The following TENT2 variants were observed in gnomAD, a reference collection of about 807,000 sequenced individuals.
TENT2 encodes the protein poly(A) RNA polymerase GLD2.
TENT2 carries 44 observed loss-of-function variants against 72.2 expected under a neutral mutation model. The observed-to-expected ratio is 0.61, with a 90% CI of 0.48 to 0.78. The LOEUF is 0.78. TENT2 is among the 30% of genes least tolerant of loss of function. The pLI, the probability that TENT2 is intolerant of heterozygous loss-of-function variation, is 0.00. For missense variants in TENT2, 541 were observed against 569.6 expected, an observed-to-expected ratio of 0.95 and a Z score of 0.51; for synonymous variants, 212 against 192.5, an observed-to-expected ratio of 1.10 and a Z score of -0.84.
At chr5:79,672,519 A>G (rs1813727472) in intron 12 of TENT2, among the ~76,000 whole-genome samples, 2 of 152,034 alleles carry the variant, frequency 1.3e-5, no homozygotes. Context: ...CATGAGTTCA[A>G]TTGTTTTAAT....
At position 79,648,643 on chromosome 5, in the gene TENT2, A is replaced by G. The variant is rs1791090387; in HGVS notation, c.848A>G (p.Asn283Ser). The stretch of plus-strand genomic sequence containing the variant: ...TGTGTGGAGTTTGACTTGAATGTAA[A>G]CAATATTGTTGGAATAAGAAACACA... ...VSCVEFDLNV[N>S]NIVGIRNTFL... The change falls in exon 9 of 15, where the codon AAC becomes AGC. Residue 283 changes from asparagine (N) to serine (S), a missense_variant. Asn to Ser is a conservative substitution (Grantham distance 46, BLOSUM62 1). Transcript: ENST00000453514. 5 of 1,593,120 alleles carry G rather than the reference A, an allele frequency of 3.1e-6. No individual in the cohort carries two copies. Among genetic ancestry groups the G allele is most frequent in the Non-Finnish European group, 4.3e-6 (5 of 1,168,420 alleles).
intron 7 of TENT2, among the ~76,000 whole-genome samples, chr5:79,643,927 T>C (rs1786512172): frequency 2.0e-5 from 3 of 151,968 alleles, no homozygotes; most frequent in Admixed American, 1.3e-4. Flanking sequence ...AACTTTTAAC[T>C]CCTAATTTTA....
rs1319417685 is a variant in TENT2, at chr5:79,612,452, C to CGT, written c.-660_-659dup. Reference sequence around the variant, plus strand: ...CGCTGCCTATTCTCATCCGGGGTCACGTCGGTCTTCCGGGTGTCTTTGACA... The same window carrying CGT: ...CGCTGCCTATTCTCATCCGGGGTCACGTGTCGGTCTTCCGGGTGTCTTTGACA... On this transcript the variant is annotated 5_prime_UTR_variant, in exon 1 of 15. Coordinates refer to ENST00000453514, the MANE Select transcript of TENT2 (RefSeq NM_001114394.3). 1.3e-5 allele frequency: 2 copies of CGT among 151,390 alleles called. No individual in the cohort carries two copies. Among genetic ancestry groups the CGT allele is most frequent in the African/African-American group, 4.9e-5 (2 of 40,988 alleles). The allele number at this position is 151,390 out of a possible 1,614,324, so 9.4% of individuals were successfully genotyped here.
At chr5:79,657,284 G>C (rs1798626757) in intron 11 of TENT2, among the ~76,000 whole-genome samples, 1 of 151,960 alleles carries the variant, frequency 6.6e-6, no homozygotes, top group African/African-American at 2.4e-5. Flanking sequence ...ATACTCAGTT[G>C]CCCATTTGGC....
intron 4 of TENT2, among the ~76,000 whole-genome samples, chr5:79,634,619 G>A (rs950206608): frequency 1.3e-5 from 2 of 152,110 alleles, no homozygotes; most frequent in African/African-American, 2.4e-5. Context: ...GATTTCAGAT[G>A]TGAGCCACTG....
chr5:79,637,415 A>G (rs1385655177), intron 4 of TENT2, among the ~76,000 whole-genome samples: 2 of 151,432 alleles, frequency 1.3e-5, no homozygotes, highest in Non-Finnish European at 2.9e-5. Flanking sequence ...TTTCTGTACT[A>G]CTTTCATTTT....
At chr5:79,665,601 T>C (rs138760655) in intron 11 of TENT2, among the ~76,000 whole-genome samples, 1 of 152,306 alleles carries the variant, frequency 6.6e-6, no homozygotes, top group East Asian at 1.9e-4. Context: ...TTCTAAAGGA[T>C]CAACATTTAA....
chr5:79,659,578 A>G lies in TENT2; in HGVS notation c.1071+2577A>G, dbSNP rs1480636870. Reference sequence around the variant, plus strand: ...AATGTATATATATATATATATATATATATATATATATATATAATAGCCATC... The same window carrying G: ...AATGTATATATATATATATATATATGTATATATATATATATAATAGCCATC... On this transcript the variant is annotated intron_variant, in intron 11 of 14. Transcript: ENST00000453514. Among the ~76,000 whole-genome samples, 23 of 131,674 alleles carry G rather than the reference A, an allele frequency of 1.7e-4. 2 individuals are homozygous for G. Among genetic ancestry groups the G allele is most frequent in the African/African-American group, 3.5e-4 (13 of 36,774 alleles). The allele number at this position is 131,674 out of a possible 152,430, so 86.4% of individuals were successfully genotyped here.
intron 10 of TENT2, among the ~76,000 whole-genome samples, chr5:79,653,899 C>T (rs1414676447): frequency 1.3e-5 from 2 of 152,190 alleles, no homozygotes; most frequent in African/African-American, 4.8e-5. Flanking sequence ...TCACCTGTAA[C>T]ACAAACAGTT....
In TENT2 at chr5:79,685,405, A is replaced by G. The variant is rs890079977; in HGVS notation, c.*132A>G. 2 of 553,754 alleles carry G rather than the reference A, an allele frequency of 3.6e-6. No homozygotes were observed. Among genetic ancestry groups the G allele is most frequent in the Non-Finnish European group, 6.0e-6 (2 of 333,958 alleles). The allele number at this position is 553,754 out of a possible 1,614,324, so 34.3% of individuals were successfully genotyped here. Reference sequence around the variant, plus strand: ...TTTCATGTTTTATTTTTAAAAAGACATATAAAGATTGCATATTTTATTATG... The same window carrying G: ...TTTCATGTTTTATTTTTAAAAAGACGTATAAAGATTGCATATTTTATTATG... On this transcript the variant is annotated 3_prime_UTR_variant, in exon 15 of 15. Coordinates refer to ENST00000453514, the MANE Select transcript of TENT2 (RefSeq NM_001114394.3).
In TENT2 at chr5:79,668,859, C is replaced by T. The variant is rs201206762; in HGVS notation, c.1072-33C>T. 2.0e-5 allele frequency: 32 copies of T among 1,591,284 alleles called. No homozygotes were observed. In the African/African-American group the frequency reaches 3.9e-4, roughly 20 times the overall value. On this transcript the variant is annotated intron_variant, in intron 11 of 14. Coordinates refer to ENST00000453514, the MANE Select transcript of TENT2 (RefSeq NM_001114394.3). ...GTTTCTTAGTGTGTGTTTTAAATGG[C>T]TTTACATTTTTTCCCCTTCTTCTTT...
chr5:79,652,508 A>G (rs545831720), intron 10 of TENT2, among the ~76,000 whole-genome samples: 4 of 152,088 alleles, frequency 2.6e-5, no homozygotes, highest in Admixed American at 2.0e-4. Context: ...GTTTTATAAT[A>G]TATGAGAGTA....
chr5:79,659,556 G>GTGTATATGTATA (rs1168849605), intron 11 of TENT2, among the ~76,000 whole-genome samples: 1 of 34,270 alleles, frequency 2.9e-5, no homozygotes, highest in African/African-American at 1.3e-4. Flanking sequence ...AAAAAAAAAT[G>GTGTATATGTATA]TATATATATA....
At chr5:79,669,088 A>G in intron 12 of TENT2, 60 bp downstream of exon 12, 2 of 1,526,432 alleles carry the variant, frequency 1.3e-6, no homozygotes, top group Non-Finnish European at 1.8e-6. Flanking sequence ...GTATGTATGT[A>G]TATATATGAA....
rs964434534 is a variant in TENT2 at position 79,685,762 on chromosome 5, C to T, written c.*489C>T. The T allele has an allele frequency of 1.9e-5, 3 of 154,494 alleles. No homozygotes were observed. The highest frequency in any genetic ancestry group is 7.2e-5 in the African/African-American group (3 of 41,470). 9.6% of individuals were successfully genotyped at this position (154,494 alleles called of 1,614,324 possible). A position where few individuals can be genotyped will look rare whatever the true frequency, so the allele number is the denominator to read the frequency against. On this transcript the variant is annotated 3_prime_UTR_variant, in exon 15 of 15. Coordinates refer to ENST00000453514, the MANE Select transcript of TENT2 (RefSeq NM_001114394.3). Reference sequence around the variant, plus strand: ...GCAAAACGAAATCTTTCATTTCAGTCAAATCACTGCAGTCATGAAATACTG... The same window carrying T: ...GCAAAACGAAATCTTTCATTTCAGTTAAATCACTGCAGTCATGAAATACTG...
intron 13 of TENT2, 81 bp from the exon 14 acceptor site, chr5:79,681,901 A>G (rs2150968522): frequency 3.5e-6 from 4 of 1,137,704 alleles, no homozygotes; most frequent in Middle Eastern, 2.1e-4. Flanking sequence ...CTGTTAACAT[A>G]TTGACAGTAT....
At chr5:79,627,374 A>C (rs1229201980) in intron 4 of TENT2, among the ~76,000 whole-genome samples, 1 of 152,242 alleles carries the variant, frequency 6.6e-6, no homozygotes, top group African/African-American at 2.4e-5. Flanking sequence ...GGTAAAGTAC[A>C]GTTCTGTATC....
At chr5:79,664,153 A>C (rs892528302) in intron 11 of TENT2, among the ~76,000 whole-genome samples, 4 of 152,326 alleles carry the variant, frequency 2.6e-5, no homozygotes, top group Admixed American at 6.5e-5. Flanking sequence ...AAGGGACTTT[A>C]GCATCCCCTG....
chr5:79,649,596 C>T (rs1792062508), intron 10 of TENT2, among the ~76,000 whole-genome samples: 2 of 152,052 alleles, frequency 1.3e-5, no homozygotes, highest in Non-Finnish European at 2.9e-5. Flanking sequence ...CTTTTAATCT[C>T]TGAGTTGCCC....
Sources: gnomAD v4.1 joint callset for allele counts (sites outside exome capture counted in the v4.1 genomes callset) on GRCh38, gnomAD v4.1.1 for gene constraint, MANE v1.5 for transcripts, NCBI Gene and HGNC (gene_info 2026-07-23, HGNC 2026-07-21) for gene names.